The following LRRFIP1 variants were observed in gnomAD, a reference collection of about 807,000 sequenced individuals.
LRRFIP1 encodes the protein LRR binding FLII interacting protein 1, also known as leucine-rich repeat flightless-interacting protein 1.
In LRRFIP1, 62 loss-of-function variants were observed where a neutral mutation model predicts 104.4. That is an observed-to-expected ratio of 0.59 (90% CI 0.48 to 0.73). The LOEUF (loss-of-function observed/expected upper bound fraction) is 0.73, where lower values mean the gene tolerates loss of function less well. Among genes scored for constraint, LRRFIP1 ranks in the 30% least tolerant of loss-of-function variants. The pLI, the probability that LRRFIP1 is intolerant of heterozygous loss-of-function variation, is 0.00. For synonymous variants in LRRFIP1, 300 were observed against 299.0 expected, an observed-to-expected ratio of 1.00 and a Z score of -0.03; for missense variants, 796 against 824.5, an observed-to-expected ratio of 0.97 and a Z score of 0.42.
intron 2 of LRRFIP1, among the ~76,000 whole-genome samples, chr2:237,710,025 G>A (rs1187455823): frequency 6.6e-6 from 1 of 150,652 alleles, no homozygotes; most frequent in Non-Finnish European, 1.5e-5. Context: ...GCTAATTTTT[G>A]TATTTTTAAT....
chr2:237,769,436 A>C (rs543471466), intron 19 of LRRFIP1: 1 of 154,002 alleles, frequency 6.5e-6, no homozygotes, highest in South Asian at 2.0e-4. Flanking sequence ...CTGGGTTAGC[A>C]GAGGTGTTAG....
intron 1 of LRRFIP1, among the ~76,000 whole-genome samples, chr2:237,655,749 C>A (rs987434455): frequency 6.6e-6 from 1 of 152,202 alleles, no homozygotes; most frequent in Admixed American, 6.5e-5. Flanking sequence ...GAAAACAACA[C>A]GACAGGCCAG....
At position 237,735,203 on chromosome 2, in the gene LRRFIP1, A is replaced by G. The variant is rs2095196069; in HGVS notation, c.490-65A>G. On this transcript the variant is annotated intron_variant, in intron 9 of 23. Coordinates refer to ENST00000308482, the MANE Select transcript of LRRFIP1 (RefSeq NM_001137550.2). The surrounding 1 kb of genome is among the most constrained non-coding windows in gnomAD (Gnocchi z 4.6). ...TCAGTTTTTCACAGCTCACGTTTTCAGCACTTTCTGGGCACTCTTGGAGAA... is the reference window on the plus strand; with the variant it reads ...TCAGTTTTTCACAGCTCACGTTTTCGGCACTTTCTGGGCACTCTTGGAGAA... The G allele has an allele frequency of 1.4e-6, 2 of 1,398,010 alleles. No individual in the cohort carries two copies. Among genetic ancestry groups the G allele is most frequent in the Non-Finnish European group, 2.0e-6 (2 of 1,002,930 alleles). The allele number at this position is 1,398,010 out of a possible 1,614,324, so 86.6% of individuals were successfully genotyped here.
chr2:237,766,051 C>A lies in LRRFIP1; in HGVS notation c.1460-3892C>A. On this transcript the variant is annotated intron_variant, in intron 19 of 23. Transcript: ENST00000308482. The surrounding 1 kb of genome is among the most constrained non-coding windows in gnomAD (Gnocchi z 4.8). ...CCGTGGAAGACCCACGCCTGATGCC[C>A]TCCCTCAGTAAGGAATGCACTTCCC... 1 of 336,656 alleles carries A rather than the reference C, an allele frequency of 3.0e-6. No individual in the cohort carries two copies. Among genetic ancestry groups the A allele is most frequent in the Non-Finnish European group, 4.2e-6 (1 of 237,042 alleles). The allele number at this position is 336,656 out of a possible 1,614,324, so 20.9% of individuals were successfully genotyped here. A position where few individuals can be genotyped will look rare whatever the true frequency, so the allele number is the denominator to read the frequency against.
Position 237,763,780 on chromosome 2 carries a change from G to A in LRRFIP1, c.1459+3575G>A, listed in dbSNP as rs767256643. ...ATGACACCGTTCAATCATCAGGCCC[G>A]AGGGCTGGTGGTGAAGAATTAGATG... On this transcript the variant is annotated intron_variant, in intron 19 of 23. Coordinates refer to ENST00000308482, the MANE Select transcript of LRRFIP1 (RefSeq NM_001137550.2). 2.0e-5 allele frequency: 32 copies of A among 1,614,104 alleles called. No individual in the cohort carries two copies. In the South Asian group the frequency reaches 2.2e-4, roughly 11 times the overall value.
chr2:237,689,255 C>A (rs1452305820), intron 1 of LRRFIP1, among the ~76,000 whole-genome samples: 4 of 152,126 alleles, frequency 2.6e-5, no homozygotes, highest in African/African-American at 9.7e-5. Flanking sequence ...GCATTTTATT[C>A]CTGGGGCTCT....
intron 11 of LRRFIP1, among the ~76,000 whole-genome samples, chr2:237,743,976 G>A (rs557397099): frequency 1.8e-4 from 27 of 152,264 alleles, no homozygotes; most frequent in African/African-American, 6.3e-4. Context: ...ATCTTCCCTC[G>A]TGTACTCAGA....
At chr2:237,721,919 C>G in intron 6 of LRRFIP1, 1 of 152,312 alleles carries the variant, frequency 6.6e-6, no homozygotes, top group Non-Finnish European at 1.5e-5. Flanking sequence ...CTGTTGTAAC[C>G]GTTACCTCGG....
At chr2:237,745,411 A>T (rs1479580199) in intron 11 of LRRFIP1, among the ~76,000 whole-genome samples, 1 of 152,260 alleles carries the variant, frequency 6.6e-6, no homozygotes, top group Non-Finnish European at 1.5e-5. Context: ...ACTTAAAAAT[A>T]TGCCCAGATT....
In LRRFIP1 at chr2:237,735,415, G is replaced by C. The variant is rs531812217; in HGVS notation, c.555+82G>C. 2.6e-5 allele frequency: 34 copies of C among 1,328,470 alleles called. No individual in the cohort carries two copies. Among genetic ancestry groups the C allele is most frequent in the Non-Finnish European group, 3.0e-5 (29 of 975,434 alleles). The allele number at this position is 1,328,470 out of a possible 1,614,324, so 82.3% of individuals were successfully genotyped here. On this transcript the variant is annotated intron_variant, in intron 10 of 23. Transcript: ENST00000308482. The surrounding 1 kb of genome is among the most constrained non-coding windows in gnomAD (Gnocchi z 4.6). ...TGCTCGCTGGGCAGGGTCCAGCCGT[G>C]GGGGGTGACTGGCCATTCTCAGGAG...
rs143353623 is a variant in LRRFIP1 at position 237,746,799 on chromosome 2, C to A, written c.634-1565C>A. On this transcript the variant is annotated intron_variant, in intron 11 of 23. Coordinates refer to ENST00000308482, the MANE Select transcript of LRRFIP1 (RefSeq NM_001137550.2). The stretch of plus-strand genomic sequence containing the variant: ...AGCAGCTGGGATTGTGGAAAGCGCC[C>A]GTGAACACATGGTCTTGGACAGGGC... Among the ~76,000 whole-genome samples the A allele has an allele frequency of 2.3e-3, 354 of 152,340 alleles. 4 individuals are homozygous for A. Among genetic ancestry groups the A allele is most frequent in the African/African-American group, 8.0e-3 (332 of 41,570 alleles).
chr2:237,691,771 T>G lies in LRRFIP1; in HGVS notation c.97-16773T>G, dbSNP rs2092777200. 6.6e-6 allele frequency among the ~76,000 whole-genome samples: 1 copy of G among 151,966 alleles called. No individual in the cohort carries two copies. Among genetic ancestry groups the G allele is most frequent in the Admixed American group, 6.5e-5 (1 of 15,282 alleles). ...CGGAGCGCCCGCTTCCCACGGCCCC[T>G]GCGGGTGGAGCTGCGGCCGGAGCCT... On this transcript the variant is annotated intron_variant, in intron 1 of 23. Transcript: ENST00000308482. The surrounding 1 kb of genome is among the most constrained non-coding windows in gnomAD (Gnocchi z 5.4).
intron 1 of LRRFIP1, among the ~76,000 whole-genome samples, chr2:237,652,027 G>T (rs781032920): frequency 6.6e-6 from 1 of 152,198 alleles, no homozygotes; most frequent in African/African-American, 2.4e-5. Context: ...CTGTTGTGTG[G>T]CACTGGGAGG....
At chr2:237,765,834 G>T (rs1406325801) in intron 19 of LRRFIP1, 11 of 972,734 alleles carry the variant, frequency 1.1e-5, no homozygotes, top group Non-Finnish European at 1.3e-5. Flanking sequence ...AGAATTGAAT[G>T]CAAAAAGACC....
chr2:237,779,371 G>A (rs2061358920), intron 23 of LRRFIP1, 51 bp from the exon 24 acceptor site: 2 of 1,596,174 alleles, frequency 1.3e-6, no homozygotes, highest in Admixed American at 3.5e-5. Context: ...ACCCTGTTAT[G>A]TTTGGAGGAA....
At chr2:237,763,251 C>T (rs2060046115) in intron 19 of LRRFIP1, 1 of 1,613,908 alleles carries the variant, frequency 6.2e-7, no homozygotes, top group African/African-American at 1.3e-5. Flanking sequence ...GACGAGAAAC[C>T]AATCAAGACA....
intron 18 of LRRFIP1, among the ~76,000 whole-genome samples, chr2:237,759,252 A>C (rs2059610285): frequency 6.6e-6 from 1 of 152,116 alleles, no homozygotes; most frequent in Non-Finnish European, 1.5e-5. Flanking sequence ...CTACTAGATT[A>C]CAGGTGGAAG....
intron 1 of LRRFIP1, among the ~76,000 whole-genome samples, chr2:237,634,717 C>G (rs1344130246): frequency 6.6e-6 from 1 of 152,200 alleles, no homozygotes; most frequent in Non-Finnish European, 1.5e-5. Flanking sequence ...TATAATCTTT[C>G]TTTCCTTATA....
At chr2:237,654,240 A>T (rs575515027) in intron 1 of LRRFIP1, among the ~76,000 whole-genome samples, 4 of 152,380 alleles carry the variant, frequency 2.6e-5, no homozygotes, top group Admixed American at 6.5e-5. Flanking sequence ...ACAAATGGCC[A>T]ATAGATACGT....
Sources: allele counts gnomAD v4.1 joint callset (sites outside exome capture counted in the v4.1 genomes callset), GRCh38; gene constraint gnomAD v4.1.1; non-coding constraint Gnocchi (gnomAD v3.1); transcripts MANE v1.5; gene names NCBI Gene and HGNC (gene_info 2026-07-23, HGNC 2026-07-21).